Variants in FRMD1 observed in about 807,000 individuals in gnomAD.
The protein encoded by FRMD1 is FERM domain containing 1.
Under a neutral mutation model 54.9 loss-of-function variants are expected in FRMD1, and 51 were observed. The ratio of observed to expected loss-of-function variants is 0.93; its 90% CI spans 0.74 to 1.17. FRMD1 has a LOEUF of 1.17. FRMD1 is among the 50% of genes most tolerant of loss of function. The pLI is 0.00. For synonymous variants in FRMD1, 324 were observed against 306.4 expected (o/e 1.06, Z -0.60); for missense variants, 729 against 743.0 (o/e 0.98, Z 0.22).
At chr6:168,075,993 C>T (rs966064112) in intron 1 of FRMD1, 1 of 989,424 alleles carries the variant, frequency 1.0e-6, no homozygotes, top group Non-Finnish European at 1.5e-6. Context: ...TCGCATGTGA[C>T]ACTACTTCAC....
chr6:168,079,002 A>G lies in FRMD1; in HGVS notation c.93T>C (p.Ser31=). Residue 31 remains serine, a synonymous_variant, in exon 1 of 11, where the codon AGT becomes AGC. Coordinates refer to ENST00000283309, the MANE Select transcript of FRMD1 (RefSeq NM_024919.6). ...GCTGACTGCATGCAGGCCTCTCAGG[A>G]CTGGGTTCCATACATCGCGCCCCTG... ...PPSGARCMEP[S]PERPACSQQE... is the part of the protein sequence containing the mutation. The G allele has an allele frequency of 1.2e-6, 2 of 1,612,264 alleles. No homozygotes were observed. Among genetic ancestry groups the G allele is most frequent in the South Asian group, 2.2e-5 (2 of 91,048 alleles).
In FRMD1 at chr6:168,056,097, C is replaced by G. The variant is rs573536903; in HGVS notation, c.*1000G>C. ...TGGGCCTGAGACTAGCAGGGATGCACGGGCCATTCCTCTAAATGCAGAGGA... is the reference window on the plus strand; with the variant it reads ...TGGGCCTGAGACTAGCAGGGATGCAGGGGCCATTCCTCTAAATGCAGAGGA... On this transcript the variant is annotated 3_prime_UTR_variant, in exon 11 of 11. Transcript: ENST00000283309. 3.9e-5 allele frequency: 6 copies of G among 152,340 alleles called. No homozygotes were observed. The highest frequency in any genetic ancestry group is 1.4e-4 in the African/African-American group (6 of 41,454). 9.4% of individuals were successfully genotyped at this position (152,340 alleles called of 1,614,324 possible).
upstream of FRMD1, among the ~76,000 whole-genome samples, chr6:168,085,008 C>A (rs764827054): frequency 2.0e-5 from 3 of 152,212 alleles, no homozygotes; most frequent in Non-Finnish European, 4.4e-5. Flanking sequence ...CACTCCCTCC[C>A]GTGTTCCTGG....
At chr6:168,092,464 C>G (rs1025226402) in intron 1 of FRMD1, among the ~76,000 whole-genome samples, 7 of 151,946 alleles carry the variant, frequency 4.6e-5, no homozygotes, top group African/African-American at 1.7e-4. Flanking sequence ...GATTAGTGCC[C>G]TGTATAAGAG....
In FRMD1 at chr6:168,053,513, AAGT is replaced by A. The variant is rs1332872230; in HGVS notation, c.*3581_*3583del. 2 of 152,362 alleles carry A rather than the reference AAGT, an allele frequency of 1.3e-5. No individual in the cohort carries two copies. Among genetic ancestry groups the A allele is most frequent in the Admixed American group, 6.5e-5 (1 of 15,288 alleles). 9.4% of individuals were successfully genotyped at this position (152,362 alleles called of 1,614,324 possible). A position where few individuals can be genotyped will look rare whatever the true frequency, so the allele number is the denominator to read the frequency against. ...GAAACGTCTCCCAGCAGACCGAGCCAAGTGTGTGTCCAGTTCAGCCTCCCCTAC... is the reference window on the plus strand; with the variant it reads ...GAAACGTCTCCCAGCAGACCGAGCCAGTGTGTCCAGTTCAGCCTCCCCTAC... On this transcript the variant is annotated 3_prime_UTR_variant, in exon 11 of 11. Coordinates refer to ENST00000283309, the MANE Select transcript of FRMD1 (RefSeq NM_024919.6).
chr6:168,089,480 G>A (rs1800978285), intron 1 of FRMD1, among the ~76,000 whole-genome samples: 1 of 152,234 alleles, frequency 6.6e-6, no homozygotes, highest in Admixed American at 6.5e-5. Flanking sequence ...CTCCCATGGG[G>A]AGCTGACCTC....
At chr6:168,072,057 G>A (rs573970411) in intron 2 of FRMD1, among the ~76,000 whole-genome samples, 101 of 152,380 alleles carry the variant, frequency 6.6e-4, no homozygotes, top group African/African-American at 2.1e-3. Flanking sequence ...GAAGCCAGCC[G>A]ATGGCGTCCA....
chr6:168,080,870 TGCTGGTGTGTGTGGGC>T (rs1365979805), upstream of FRMD1, among the ~76,000 whole-genome samples: 11 of 149,918 alleles, frequency 7.3e-5, no homozygotes, highest in African/African-American at 2.0e-4. Context: ...TGTGTGCGGG[TGCTGGTGTGTGTGGGC>T]GCTGGTGTGT....
At chr6:168,068,630 G>A (rs1042868330) in intron 2 of FRMD1, among the ~76,000 whole-genome samples, 1 of 152,156 alleles carries the variant, frequency 6.6e-6, no homozygotes, top group Non-Finnish European at 1.5e-5. Flanking sequence ...TTCAACATGA[G>A]GTTAGTTAAA....
chr6:168,074,946 C>T (rs546868167), intron 2 of FRMD1, among the ~76,000 whole-genome samples: 2 of 147,612 alleles, frequency 1.4e-5, no homozygotes, highest in African/African-American at 2.5e-5. Flanking sequence ...TGTAACTGCA[C>T]GTGTGTGGCG....
At chr6:168,080,823 G>A (rs988436832), upstream of FRMD1, among the ~76,000 whole-genome samples, 2 of 150,714 alleles carry the variant, frequency 1.3e-5, no homozygotes, top group African/African-American at 2.5e-5. Flanking sequence ...GTGTGCGGGC[G>A]CTGGTTTGTG....
rs936674345 is a variant in FRMD1, at chr6:168,057,023, C to T, written c.*74G>A. On this transcript the variant is annotated 3_prime_UTR_variant, in exon 11 of 11. Coordinates refer to ENST00000283309, the MANE Select transcript of FRMD1 (RefSeq NM_024919.6). ...GCAGCATCTGGCGGGCAGGAAGGGACGAGGGCCATGTGGAAGTGGGGTGGG... is the reference window on the plus strand; with the variant it reads ...GCAGCATCTGGCGGGCAGGAAGGGATGAGGGCCATGTGGAAGTGGGGTGGG... 4.6e-5 allele frequency: 65 copies of T among 1,415,700 alleles called. No individual in the cohort carries two copies. Among genetic ancestry groups the T allele is most frequent in the Admixed American group, 3.1e-4 (10 of 32,526 alleles). The allele number at this position is 1,415,700 out of a possible 1,614,324, so 87.7% of individuals were successfully genotyped here.
At chr6:168,082,818 G>A (rs150596685), upstream of FRMD1, among the ~76,000 whole-genome samples, 119 of 152,312 alleles carry the variant, frequency 7.8e-4, 3 homozygotes, top group African/African-American at 2.5e-3. Flanking sequence ...GACTTTTGCT[G>A]CTCTGCCCAA....
At chr6:168,069,973 C>T (rs968051512) in intron 2 of FRMD1, among the ~76,000 whole-genome samples, 2 of 152,090 alleles carry the variant, frequency 1.3e-5, no homozygotes, top group African/African-American at 4.8e-5. Flanking sequence ...GCCTGTAATC[C>T]CAGCACTTTG....
chr6:168,088,119 G>A (rs113667590), intron 1 of FRMD1, among the ~76,000 whole-genome samples: 2 of 152,200 alleles, frequency 1.3e-5, no homozygotes, highest in African/African-American at 4.8e-5. Flanking sequence ...GGCGCTCTTC[G>A]TTCCCATCTT....
chr6:168,071,149 T>C (rs1800288560), intron 2 of FRMD1, among the ~76,000 whole-genome samples: 1 of 152,134 alleles, frequency 6.6e-6, no homozygotes. Flanking sequence ...AGGAGCAAGC[T>C]CCAGGCAGCG....
At chr6:168,089,125 C>T (rs909846116) in intron 1 of FRMD1, among the ~76,000 whole-genome samples, 2 of 152,262 alleles carry the variant, frequency 1.3e-5, no homozygotes, top group African/African-American at 4.8e-5. Flanking sequence ...GGGGGCTGCA[C>T]TGGGTGGTGA....
rs62426297 is a variant in FRMD1, at chr6:168,078,791, C to T, written c.213+91G>A. Reference sequence around the variant, plus strand: ...AGGGCCCTGCTCACCCCCACGGCCACCCAGGGCCCTGCTCACCCCCACGGC... The same window carrying T: ...AGGGCCCTGCTCACCCCCACGGCCATCCAGGGCCCTGCTCACCCCCACGGC... On this transcript the variant is annotated intron_variant, in intron 1 of 10. Transcript: ENST00000283309. 8.4e-3 allele frequency: 669 copies of T among 79,658 alleles called. 23 individuals carry two copies. The highest frequency in any genetic ancestry group is 0.024 in the South Asian group (132 of 5,532). The allele number at this position is 79,658 out of a possible 1,614,324, so 4.9% of individuals were successfully genotyped here.
At chr6:168,068,792 T>G (rs961380745) in intron 2 of FRMD1, among the ~76,000 whole-genome samples, 2 of 152,164 alleles carry the variant, frequency 1.3e-5, no homozygotes, top group Non-Finnish European at 2.9e-5. Context: ...ATGAAGATAC[T>G]CCATCCCCAA....
Sources: gnomAD v4.1 joint callset for allele counts (sites outside exome capture counted in the v4.1 genomes callset) on GRCh38, gnomAD v4.1.1 for gene constraint, MANE v1.5 for transcripts, NCBI Gene and HGNC (gene_info 2026-07-23, HGNC 2026-07-21) for gene names.